DOCK3: variants seen among roughly 807,000 people sequenced by gnomAD.
DOCK3 encodes dedicator of cytokinesis 3.
Under a neutral mutation model 265.6 loss-of-function variants are expected in DOCK3, and 60 were observed. The observed-to-expected ratio is 0.23, with a 90% CI of 0.18 to 0.28. The LOEUF is 0.28. DOCK3 is among the 10% of genes least tolerant of loss of function. The pLI is 1.00. For synonymous variants in DOCK3, 881 were observed against 938.0 expected, an observed-to-expected ratio of 0.94 and a Z score of 1.11; for missense variants, 1,981 against 2,594.3, an observed-to-expected ratio of 0.76 and a Z score of 5.14.
intron 4 of DOCK3, among the ~76,000 whole-genome samples, chr3:50,894,876 A>G (rs1175208328): frequency 6.6e-6 from 1 of 152,106 alleles, no homozygotes; most frequent in African/African-American, 2.4e-5. Context: ...TATTCTTCCC[A>G]TCTGTTAGGT....
intron 5 of DOCK3, 92 bp downstream of exon 5, chr3:50,934,169 T>C: frequency 2.2e-6 from 2 of 898,890 alleles, no homozygotes; most frequent in Non-Finnish European, 3.3e-6. Flanking sequence ...TTTAGATTTC[T>C]GAATATTTGC....
chr3:50,842,215 TAGC>T (rs2045875561), intron 3 of DOCK3, among the ~76,000 whole-genome samples: 1 of 152,216 alleles, frequency 6.6e-6, no homozygotes, highest in Non-Finnish European at 1.5e-5. Flanking sequence ...ATAGTTTAAT[TAGC>T]AGTTATAATA....
At chr3:51,046,376 A>G (rs905599446) in intron 5 of DOCK3, among the ~76,000 whole-genome samples, 3 of 152,178 alleles carry the variant, frequency 2.0e-5, no homozygotes, top group East Asian at 1.9e-4. Context: ...CACATAGGCT[A>G]AAAGTGAAAG....
At chr3:51,293,891 A>T (rs1427472003) in intron 27 of DOCK3, among the ~76,000 whole-genome samples, 1 of 152,240 alleles carries the variant, frequency 6.6e-6, no homozygotes, top group Non-Finnish European at 1.5e-5. Context: ...AAGTAAAACC[A>T]CAGTGAGATA....
intron 1 of DOCK3, among the ~76,000 whole-genome samples, chr3:50,777,118 G>T (rs964522676): frequency 4.6e-5 from 7 of 152,068 alleles, no homozygotes; most frequent in African/African-American, 1.7e-4. Flanking sequence ...CTCCCACCAG[G>T]TCCCTCCCAC....
chr3:51,161,675 C>T (rs1270726830), intron 12 of DOCK3, among the ~76,000 whole-genome samples: 1 of 152,158 alleles, frequency 6.6e-6, no homozygotes, highest in Non-Finnish European at 1.5e-5. Flanking sequence ...ATATGCTTCT[C>T]ATGTGTCTTG....
chr3:51,103,377 CA>C (rs1415754524), intron 9 of DOCK3, among the ~76,000 whole-genome samples: 3 of 152,142 alleles, frequency 2.0e-5, no homozygotes, highest in African/African-American at 7.2e-5. Flanking sequence ...AAAGTGAAAG[CA>C]AAGCTAGTTT....
At chr3:50,959,924 A>G (rs1477678643) in intron 5 of DOCK3, among the ~76,000 whole-genome samples, 1 of 152,162 alleles carries the variant, frequency 6.6e-6, no homozygotes, top group African/African-American at 2.4e-5. Context: ...GTGATTTCAT[A>G]CAGTATGTTT....
intron 2 of DOCK3, among the ~76,000 whole-genome samples, chr3:50,816,678 G>A (rs2044098246): frequency 1.3e-5 from 2 of 151,926 alleles, no homozygotes; most frequent in Admixed American, 1.3e-4. Flanking sequence ...GTCTGTAATT[G>A]ATCATTTTTT....
At chr3:51,043,338 G>C (rs2080617004) in intron 5 of DOCK3, among the ~76,000 whole-genome samples, 1 of 152,136 alleles carries the variant, frequency 6.6e-6, no homozygotes, top group Non-Finnish European at 1.5e-5. Flanking sequence ...AATGGGGAAA[G>C]GATTCCCTAT....
chr3:51,228,635 A>G (rs769436031), intron 17 of DOCK3, 26 bp from the exon 18 acceptor site: 6 of 1,603,416 alleles, frequency 3.7e-6, no homozygotes, highest in African/African-American at 1.3e-5. Context: ...CTCAGGGGAC[A>G]TTTTTTTCTC....
At chr3:51,001,606 A>G (rs921362302) in intron 5 of DOCK3, among the ~76,000 whole-genome samples, 4 of 152,208 alleles carry the variant, frequency 2.6e-5, no homozygotes, top group Non-Finnish European at 5.9e-5. Context: ...AATGCTAACA[A>G]TCACAAATAC....
In DOCK3 at chr3:51,225,644, C is replaced by T. The variant is rs762951259; in HGVS notation, c.1253-5C>T. 88 of 1,608,096 alleles carry T rather than the reference C, an allele frequency of 5.5e-5. No individual in the cohort carries two copies. Among genetic ancestry groups the T allele is most frequent in the African/African-American group, 4.6e-4 (34 of 74,654 alleles). On this transcript the variant is annotated splice_region_variant and splice_polypyrimidine_tract_variant and intron_variant, in intron 14 of 52. Transcript: ENST00000266037. ...CATAAGGATGTGGCATTTCTTTCCC[C>T]GCAGGTGATATCCGCAATGACCTGT...
intron 5 of DOCK3, among the ~76,000 whole-genome samples, chr3:50,994,574 A>G (rs1301174451): frequency 6.6e-6 from 1 of 152,240 alleles, no homozygotes; most frequent in Non-Finnish European, 1.5e-5. Context: ...AAGAACAAGT[A>G]TGTATATGTC....
chr3:50,832,694 A>C (rs1292452693), intron 2 of DOCK3, among the ~76,000 whole-genome samples: 1 of 152,084 alleles, frequency 6.6e-6, no homozygotes, highest in African/African-American at 2.4e-5. Context: ...CGCCTCTGAC[A>C]TATTTTTCTT....
At chr3:50,833,628 A>G (rs2045326605) in intron 2 of DOCK3, among the ~76,000 whole-genome samples, 1 of 152,210 alleles carries the variant, frequency 6.6e-6, no homozygotes, top group South Asian at 2.1e-4. Flanking sequence ...TTCTTTACCT[A>G]CCACAGGTCT....
At chr3:50,949,560 A>C (rs1159249510) in intron 5 of DOCK3, among the ~76,000 whole-genome samples, 3 of 152,022 alleles carry the variant, frequency 2.0e-5, no homozygotes, top group Non-Finnish European at 4.4e-5. Context: ...TAAGTTTGTG[A>C]TTATCTTTTC....
chr3:50,978,265 C>A (rs2077545859), intron 5 of DOCK3, among the ~76,000 whole-genome samples: 2 of 150,150 alleles, frequency 1.3e-5, no homozygotes, highest in Admixed American at 6.6e-5. Context: ...TTTTCCCCAT[C>A]TTTGTGGTTT....
intron 31 of DOCK3, among the ~76,000 whole-genome samples, chr3:51,313,289 T>A (rs1398352780): frequency 1.3e-5 from 2 of 152,234 alleles, no homozygotes; most frequent in East Asian, 3.8e-4. Context: ...ACCCAGTACA[T>A]GAGCAAAGGT....
Sources: gnomAD v4.1 joint callset for allele counts (sites outside exome capture counted in the v4.1 genomes callset) on GRCh38, gnomAD v4.1.1 for gene constraint, MANE v1.5 for transcripts, NCBI Gene and HGNC (gene_info 2026-07-23, HGNC 2026-07-21) for gene names.